ZC3H18: variants seen among roughly 807,000 people sequenced by gnomAD.
The protein encoded by ZC3H18 is zinc finger CCCH-type containing 18.
In ZC3H18, 8 loss-of-function variants were observed where a neutral mutation model predicts 106.1. The ratio of observed to expected loss-of-function variants is 0.08; its 90% CI spans 0.04 to 0.14. ZC3H18 has a LOEUF of 0.14. Ranked by LOEUF, ZC3H18 falls within the 10% of genes least tolerant of loss-of-function variation. The probability of loss-of-function intolerance (pLI) is 1.00; values close to 1 mark genes in which losing one functional copy is unlikely to be tolerated. For missense variants in ZC3H18, 1,318 were observed against 1,278.4 expected, an observed-to-expected ratio of 1.03 and a Z score of -0.47; for synonymous variants, 635 against 522.1, an observed-to-expected ratio of 1.22 and a Z score of -2.95.
In ZC3H18 at chr16:88,595,821, A is replaced by T. The variant is rs376178014; in HGVS notation, c.689-2357A>T. On this transcript the variant is annotated intron_variant, in intron 3 of 17. Transcript: ENST00000301011. ...ACTCCATCTCAAAAAAAAAAAAATT[A>T]AAAAAAGGAAAGAAAGTAATATGGG... is the stretch of plus-strand genomic sequence containing the variant. Among the ~76,000 whole-genome samples, 579 of 152,168 alleles carry T rather than the reference A, an allele frequency of 3.8e-3. 4 individuals carry two copies. The highest frequency in any genetic ancestry group is 0.013 in the African/African-American group (547 of 41,502).
intron 3 of ZC3H18, among the ~76,000 whole-genome samples, chr16:88,597,635 T>C (rs189172455): frequency 2.0e-5 from 3 of 152,352 alleles, no homozygotes; most frequent in African/African-American, 7.2e-5. Context: ...ATGAGCAAAG[T>C]GTAAAAGCCC....
rs544666582 is a variant in ZC3H18 at position 88,585,194 on chromosome 16, T to C, written c.604-1406T>C. 7.2e-5 allele frequency among the ~76,000 whole-genome samples: 11 copies of C among 152,382 alleles called. No individual in the cohort carries two copies. In the South Asian group the frequency reaches 8.3e-4, roughly 11 times the overall value. ...TCATTTCTTTAAAAAGTGATTCTGC[T>C]GGATTACTTAAGGGATATAACTCTC... is the stretch of plus-strand genomic sequence containing the variant. On this transcript the variant is annotated intron_variant, in intron 2 of 17. Coordinates refer to ENST00000301011, the MANE Select transcript of ZC3H18 (RefSeq NM_144604.4).
At chr16:88,590,532 T>A (rs1042370920) in intron 3 of ZC3H18, among the ~76,000 whole-genome samples, 2 of 151,032 alleles carry the variant, frequency 1.3e-5, no homozygotes, top group Non-Finnish European at 3.0e-5. Flanking sequence ...GCATCTTCTT[T>A]AAACTGTGTC....
intron 8 of ZC3H18, 80 bp from the exon 9 acceptor site, chr16:88,622,117 T>G (rs1906002587): frequency 6.8e-6 from 10 of 1,467,282 alleles, no homozygotes; most frequent in Non-Finnish European, 9.2e-6. Context: ...AGATCCATAG[T>G]CTCTCCCGCT....
chr16:88,623,898 G>A, intron 10 of ZC3H18, 60 bp from the exon 11 acceptor site: 1 of 1,547,582 alleles, frequency 6.5e-7, no homozygotes, highest in South Asian at 1.2e-5. Flanking sequence ...TCCTCAGTGG[G>A]CTTGGGCTGG....
intron 1 of ZC3H18, among the ~76,000 whole-genome samples, chr16:88,575,158 C>T (rs1914668402): frequency 7.6e-6 from 1 of 132,388 alleles, no homozygotes; most frequent in South Asian, 2.3e-4. Context: ...TAATGATTTC[C>T]ATTAACAGCA....
Position 88,624,735 on chromosome 16 carries a change from C to T in ZC3H18, c.2032C>T (p.Pro678Ser). The change falls in exon 12 of 18, where the codon CCC (proline) becomes TCC (serine). Residue 678 changes from proline (P) to serine (S), a missense_variant. Pro to Ser is a moderately conservative substitution (Grantham distance 74). This residue lies in a region of ZC3H18 where 848 missense variants were observed against 821.7 expected (regional missense o/e 1.03). Coordinates refer to ENST00000301011, the MANE Select transcript of ZC3H18 (RefSeq NM_144604.4). ...GAGGAAGGAGCGGCCAGCCAGGACC[C>T]CCCCCAGGAGGTGAGCACTCCGGCG... ...ARRKERPART[P>S]PRRRTLSGSG... The T allele has an allele frequency of 3.1e-6, 5 of 1,612,370 alleles. No individual in the cohort carries two copies. The highest frequency in any genetic ancestry group is 1.1e-5 in the South Asian group (1 of 90,994).
At chr16:88,603,968 C>T (rs1904883448) in intron 6 of ZC3H18, among the ~76,000 whole-genome samples, 1 of 151,950 alleles carries the variant, frequency 6.6e-6, no homozygotes, top group South Asian at 2.1e-4. Context: ...TAATACTTTG[C>T]TAGACAGACG....
intron 9 of ZC3H18, 178 bp downstream of exon 9, chr16:88,622,566 A>C (rs761683556): frequency 2.9e-6 from 2 of 688,132 alleles, no homozygotes. Context: ...AAGAGCATCA[A>C]TGCCAAGTAG....
chr16:88,607,193 C>T (rs935815549), intron 6 of ZC3H18, among the ~76,000 whole-genome samples: 1 of 152,202 alleles, frequency 6.6e-6, no homozygotes, highest in African/African-American at 2.4e-5. Flanking sequence ...CCTCTCTGGG[C>T]GTGCCTGGGT....
At chr16:88,590,124 T>A (rs1278440647) in intron 3 of ZC3H18, among the ~76,000 whole-genome samples, 1 of 152,118 alleles carries the variant, frequency 6.6e-6, no homozygotes, top group Admixed American at 6.5e-5. Context: ...CTTTCTTTTT[T>A]AAATTACTTG....
chr16:88,578,235 G>T (rs1226731069), intron 2 of ZC3H18, among the ~76,000 whole-genome samples: 1 of 152,204 alleles, frequency 6.6e-6, no homozygotes, highest in Non-Finnish European at 1.5e-5. Flanking sequence ...CACCAGCTGG[G>T]CCAGGCCTCT....
chr16:88,612,704 G>T (rs1249636875), intron 8 of ZC3H18, among the ~76,000 whole-genome samples: 9 of 151,380 alleles, frequency 5.9e-5, no homozygotes, highest in Non-Finnish European at 1.5e-5. Flanking sequence ...ATTAAAAATT[G>T]TTTTAAAAAA....
At chr16:88,593,275 A>G (rs1486912225) in intron 3 of ZC3H18, among the ~76,000 whole-genome samples, 3 of 152,160 alleles carry the variant, frequency 2.0e-5, no homozygotes, top group Non-Finnish European at 2.9e-5. Context: ...ACTGAGCCAC[A>G]GTGAGCACAG....
Position 88,593,577 on chromosome 16 carries a change from G to A in ZC3H18, c.689-4601G>A, listed in dbSNP as rs570493882. On this transcript the variant is annotated intron_variant, in intron 3 of 17. Transcript: ENST00000301011. ...GTCTCAGTACTCAGCGTGGTGGAGTGGCAGCGTGGGTAGAGCCCCTGCCGG... is the reference window on the plus strand; with the variant it reads ...GTCTCAGTACTCAGCGTGGTGGAGTAGCAGCGTGGGTAGAGCCCCTGCCGG... Among the ~76,000 whole-genome samples, 7 of 152,358 alleles carry A rather than the reference G, an allele frequency of 4.6e-5. No homozygotes were observed. In the South Asian group the frequency reaches 1.5e-3, roughly 32 times the overall value.
chr16:88,594,633 A>G (rs1043288292), intron 3 of ZC3H18, among the ~76,000 whole-genome samples: 66 of 152,158 alleles, frequency 4.3e-4, no homozygotes, highest in Admixed American at 4.3e-3. Context: ...AGAGCATAAT[A>G]TATATGCTCA....
rs1567595952 is a variant in ZC3H18, at chr16:88,618,750, A to G, written c.1476-3447A>G. Among the ~76,000 whole-genome samples the G allele has an allele frequency of 2.0e-5, 3 of 152,322 alleles. No individual in the cohort carries two copies. In the South Asian group the frequency reaches 6.2e-4, roughly 32 times the overall value. On this transcript the variant is annotated intron_variant, in intron 8 of 17. Coordinates refer to ENST00000301011, the MANE Select transcript of ZC3H18 (RefSeq NM_144604.4). ...ATAGCGCGGGCCTTGTGCTGCGGGA[A>G]AGGCTACTTCCTCAGTCAGAGGTCA...
intron 1 of ZC3H18, chr16:88,571,774 G>T (rs1023285479): frequency 1.4e-6 from 1 of 702,680 alleles, no homozygotes. Context: ...GAGTTTAGTG[G>T]TCACGCTTGG....
chr16:88,622,862 G>A, intron 9 of ZC3H18: 1 of 321,676 alleles, frequency 3.1e-6, no homozygotes, highest in Non-Finnish European at 5.8e-6. Context: ...GGAGGTGTGG[G>A]TGGGAGGCCA....
Sources: gnomAD v4.1 joint callset for allele counts (sites outside exome capture counted in the v4.1 genomes callset) on GRCh38, gnomAD v4.1.1 for gene constraint, gnomAD v4.1.1 regional missense constraint, MANE v1.5 for transcripts, NCBI Gene and HGNC (gene_info 2026-07-23, HGNC 2026-07-21) for gene names.